RAD52: variants seen among roughly 807,000 people sequenced by gnomAD.
The protein encoded by RAD52 is RAD52 DNA repair protein.
A neutral mutation model predicts 55.5 loss-of-function variants in RAD52; 47 were observed. That is an observed-to-expected ratio of 0.85 (90% CI 0.67 to 1.08). The LOEUF is 1.08. Among genes scored for constraint, RAD52 ranks in the 50% least tolerant of loss-of-function variants. RAD52 has a pLI of 0.00. For missense variants in RAD52, 468 were observed against 522.8 expected (o/e 0.90, Z 1.02); for synonymous variants, 184 against 198.9 (o/e 0.92, Z 0.63).
intron 6 of RAD52, chr12:926,787 C>G (rs1353399425): frequency 1.3e-6 from 2 of 1,535,228 alleles, no homozygotes; most frequent in Non-Finnish European, 1.7e-6. Flanking sequence ...ACTACGTTAA[C>G]TATGCTACCT....
rs890226763 is a variant in RAD52 at position 916,695 on chromosome 12, G to A, written c.669C>T (p.Thr223=). Residue 223 remains threonine (T), a synonymous_variant, in exon 8 of 12, where the codon ACC becomes ACT. Coordinates refer to ENST00000358495, the MANE Select transcript of RAD52 (RefSeq NM_134424.4). ...CAGCATGGCTGGGTCTGGAAGGGGA[G>A]GTCACCTGCTGCAGCTGTGGGTGTC... is the stretch of plus-strand genomic sequence containing the variant. ...ALGHPQLQQV[T]SPSRPSHAVI... 3 of 1,614,138 alleles carry A rather than the reference G, an allele frequency of 1.9e-6. No homozygotes were observed. The highest frequency in any genetic ancestry group is 1.7e-6 in the Non-Finnish European group (2 of 1,180,002).
At position 916,373 on chromosome 12, in the gene RAD52, A is replaced by G. The variant is rs560617045; in HGVS notation, c.836T>C (p.Val279Ala). The change falls in exon 9 of 12, where the codon GTC (valine) becomes GCC (alanine). Residue 279 changes from valine (V) to alanine (A), a missense_variant. Physicochemically the swap from Val to Ala is moderately conservative, Grantham distance 64. Coordinates refer to ENST00000358495, the MANE Select transcript of RAD52 (RefSeq NM_134424.4). The stretch of plus-strand genomic sequence containing the variant: ...ACTCTTCTCAGCTGACGGCGTGGAG[A>G]CTCGAACCTGCTGCTTCTCCATCCG... ...RERMEKQQVRVSTPSAEKSEA... is the reference protein window; with the variant it reads ...RERMEKQQVRASTPSAEKSEA... The G allele has an allele frequency of 1.9e-6, 3 of 1,607,810 alleles. No individual in the cohort carries two copies. Among genetic ancestry groups the G allele is most frequent in the African/African-American group, 2.7e-5 (2 of 74,918 alleles).
At position 949,667 on chromosome 12, in the gene RAD52, C is replaced by G. The variant is rs1192940992; in HGVS notation, c.-84G>C. 1 of 152,050 alleles carries G rather than the reference C, an allele frequency of 6.6e-6. No homozygotes were observed. Among genetic ancestry groups the G allele is most frequent in the African/African-American group, 2.4e-5 (1 of 41,356 alleles). The allele number at this position is 152,050 out of a possible 1,614,324, so 9.4% of individuals were successfully genotyped here. A position where few individuals can be genotyped will look rare whatever the true frequency, so the allele number is the denominator to read the frequency against. On this transcript the variant is annotated 5_prime_UTR_variant, in exon 1 of 12. Transcript: ENST00000358495. ...TAGGCTATGGACAAGGGGAAGAGATCTTAGATGGAGGCCGCGCAGAGGAGA... is the reference window on the plus strand; with the variant it reads ...TAGGCTATGGACAAGGGGAAGAGATGTTAGATGGAGGCCGCGCAGAGGAGA...
chr12:924,682 A>T (rs1283014042), intron 7 of RAD52, among the ~76,000 whole-genome samples: 2 of 152,200 alleles, frequency 1.3e-5, no homozygotes, highest in Non-Finnish European at 2.9e-5. Flanking sequence ...CCATTCTCCA[A>T]AGGCAAAGGC....
At chr12:963,605 G>A (rs1958716529) in intron 1 of RAD52, among the ~76,000 whole-genome samples, 2 of 151,956 alleles carry the variant, frequency 1.3e-5, no homozygotes, top group Non-Finnish European at 2.9e-5. Context: ...TACTTTACAT[G>A]TCTTTATATT....
intron 5 of RAD52, among the ~76,000 whole-genome samples, chr12:928,808 C>A (rs1957176840): frequency 6.6e-6 from 1 of 151,956 alleles, no homozygotes; most frequent in Non-Finnish European, 1.5e-5. Flanking sequence ...ATATTTAGAG[C>A]CTTAAGTGCA....
chr12:951,858 A>G (rs1185222513), upstream of RAD52, among the ~76,000 whole-genome samples: 1 of 152,184 alleles, frequency 6.6e-6, no homozygotes, highest in Non-Finnish European at 1.5e-5. Flanking sequence ...GAACTCCTTT[A>G]GCTGAATTTT....
chr12:954,709 A>G (rs555233086), intron 1 of RAD52, among the ~76,000 whole-genome samples: 9 of 152,238 alleles, frequency 5.9e-5, no homozygotes, highest in Non-Finnish European at 1.0e-4. Context: ...TGTATTTAAA[A>G]TCTCTTTCTG....
chr12:936,562 A>G (rs1379950137), intron 1 of RAD52, among the ~76,000 whole-genome samples: 1 of 151,630 alleles, frequency 6.6e-6, no homozygotes, highest in East Asian at 1.9e-4. Context: ...GTGCAATCAT[A>G]GCATACTGTA....
intron 1 of RAD52, among the ~76,000 whole-genome samples, chr12:973,310 C>A (rs1180174110): frequency 1.3e-5 from 2 of 152,044 alleles, no homozygotes; most frequent in African/African-American, 4.8e-5. Context: ...ACCTCGTGAT[C>A]CACCCTCCTG....
chr12:962,342 C>CTTTT (rs71055111), intron 1 of RAD52, among the ~76,000 whole-genome samples: 109,260 of 148,412 alleles, frequency 0.74, 40,859 homozygotes, highest in Non-Finnish European at 0.81. Flanking sequence ...CGCTTTCTTT[C>CTTTT]CTTTTTTTTT....
chr12:933,047 A>C lies in RAD52; in HGVS notation c.12T>G (p.Thr4=). 6.2e-7 allele frequency: 1 copy of C among 1,613,704 alleles called. No individual in the cohort carries two copies. The highest frequency in any genetic ancestry group is 8.5e-7 in the Non-Finnish European group (1 of 1,179,904). Residue 4 remains threonine, a synonymous_variant, in exon 2 of 12, where the codon ACT becomes ACG. Coordinates refer to ENST00000358495, the MANE Select transcript of RAD52 (RefSeq NM_134424.4). ...CACGTCCTCCAAGAATTGCTTCCTC[A>C]GTCCCAGACATCTTGATTCTGGTTG... MSG[T]EEAILGGRDS... is the part of the protein sequence containing the mutation.
chr12:952,719 C>T (rs1002734886), upstream of RAD52, among the ~76,000 whole-genome samples: 11 of 150,354 alleles, frequency 7.3e-5, no homozygotes, highest in African/African-American at 2.7e-4. Context: ...CGGTAAAACC[C>T]CGTCTCTACT....
At chr12:932,233 G>A (rs1035575898) in intron 2 of RAD52, among the ~76,000 whole-genome samples, 5 of 152,106 alleles carry the variant, frequency 3.3e-5, no homozygotes, top group South Asian at 4.1e-4. Context: ...GGTGGCTCAC[G>A]CCTGTAATCC....
intron 1 of RAD52, among the ~76,000 whole-genome samples, chr12:987,575 T>C (rs1246392482): frequency 2.6e-5 from 4 of 151,452 alleles, no homozygotes; most frequent in East Asian, 1.9e-4. Flanking sequence ...TTTTTTTTTT[T>C]CCTGAGACAG....
In RAD52 at chr12:930,159, G is replaced by A; in HGVS notation, c.187-15C>T. ...ATGTAGCACACCTAGAAAAACAAAT[G>A]TTTTTAAGGAAAAGCTGTGTTAATT... On this transcript the variant is annotated splice_polypyrimidine_tract_variant and intron_variant, in intron 3 of 11. Coordinates refer to ENST00000358495, the MANE Select transcript of RAD52 (RefSeq NM_134424.4). The A allele has an allele frequency of 1.3e-6, 2 of 1,581,648 alleles. No individual in the cohort carries two copies. Among genetic ancestry groups the A allele is most frequent in the Non-Finnish European group, 8.7e-7 (1 of 1,155,520 alleles).
chr12:989,830 A>G (rs535323103), exon 1 of RAD52: 1 of 152,382 alleles, frequency 6.6e-6, no homozygotes, highest in East Asian at 1.9e-4. Flanking sequence ...GCTAGGGAGT[A>G]ACAAGATGGG....
intron 7 of RAD52, among the ~76,000 whole-genome samples, chr12:923,983 C>T (rs1262892679): frequency 6.6e-6 from 1 of 150,806 alleles, no homozygotes; most frequent in Non-Finnish European, 1.5e-5. Context: ...GGCATGAACC[C>T]GGGAGGCAGA....
chr12:978,650 G>C (rs1958967387), intron 1 of RAD52, among the ~76,000 whole-genome samples: 2 of 152,006 alleles, frequency 1.3e-5, no homozygotes, highest in African/African-American at 4.8e-5. Context: ...AAATACAAAA[G>C]AAATTAGCTG....
Sources: gnomAD v4.1 joint callset for allele counts (sites outside exome capture counted in the v4.1 genomes callset) on GRCh38, gnomAD v4.1.1 for gene constraint, MANE v1.5 for transcripts, NCBI Gene and HGNC (gene_info 2026-07-23, HGNC 2026-07-21) for gene names.